Variants in JAKMIP1 observed in about 807,000 individuals in gnomAD.
JAKMIP1 encodes janus kinase and microtubule-interacting protein 1.
JAKMIP1 carries 33 observed loss-of-function variants against 113.0 expected under a neutral mutation model. The ratio of observed to expected loss-of-function variants is 0.29; its 90% confidence interval spans 0.22 to 0.39. The LOEUF is 0.39. Among genes scored for constraint, JAKMIP1 ranks in the 10% least tolerant of loss-of-function variants. JAKMIP1 has a pLI of 1.00. For synonymous variants in JAKMIP1, 480 were observed against 459.9 expected, an observed-to-expected ratio of 1.04 and a Z score of -0.56; for missense variants, 813 against 1,080.5, an observed-to-expected ratio of 0.75 and a Z score of 3.47.
intron 1 of JAKMIP1, among the ~76,000 whole-genome samples, chr4:6,125,173 C>A (rs940293913): frequency 1.3e-5 from 2 of 152,026 alleles, no homozygotes; most frequent in Admixed American, 6.5e-5. Flanking sequence ...TGTGTGCCAC[C>A]CCACATAGGC....
intron 1 of JAKMIP1, among the ~76,000 whole-genome samples, chr4:6,171,333 C>T (rs1724674649): frequency 6.6e-6 from 1 of 151,426 alleles, no homozygotes; most frequent in South Asian, 2.1e-4. Context: ...TCACCACCAC[C>T]AGCCCCAGCA....
intron 1 of JAKMIP1, among the ~76,000 whole-genome samples, chr4:6,163,080 G>A (rs73075474): frequency 0.043 from 6,492 of 152,300 alleles, 423 homozygotes; most frequent in African/African-American, 0.14. Flanking sequence ...GCCAGCCCAG[G>A]GTTCTGCAGA....
rs760491114 is a variant in JAKMIP1 at position 6,069,177 on chromosome 4, C to T, written c.1303-4169G>A. ...GCTTCTCAAGAGATGAGGGGAGAAC[C>T]GCCCAGAAAACATTGTTTCCTGTCA... On this transcript the variant is annotated intron_variant, in intron 8 of 20. Coordinates refer to ENST00000409021, the MANE Select transcript of JAKMIP1 (RefSeq NM_001099433.2). This position sits in a 1 kb window ranked among gnomAD's most constrained non-coding sequence, Gnocchi z 4.5. 4.6e-5 allele frequency among the ~76,000 whole-genome samples: 7 copies of T among 152,032 alleles called. No homozygotes were observed. Among genetic ancestry groups the T allele is most frequent in the Non-Finnish European group, 1.0e-4 (7 of 68,022 alleles).
intron 1 of JAKMIP1, among the ~76,000 whole-genome samples, chr4:6,134,102 A>G (rs1718900968): frequency 6.6e-6 from 1 of 152,202 alleles, no homozygotes; most frequent in African/African-American, 2.4e-5. Flanking sequence ...TCACAGGGGC[A>G]GTTCCCCCAT....
intron 2 of JAKMIP1, among the ~76,000 whole-genome samples, chr4:6,110,689 C>T (rs1450930336): frequency 6.8e-6 from 1 of 146,934 alleles, no homozygotes; most frequent in Non-Finnish European, 1.5e-5. Flanking sequence ...CCTCAAACAA[C>T]CCAGGAGGCA....
intron 18 of JAKMIP1, among the ~76,000 whole-genome samples, chr4:6,037,730 T>C (rs1260682050): frequency 7.8e-6 from 1 of 128,618 alleles, no homozygotes; most frequent in Non-Finnish European, 1.6e-5. Context: ...TAGCCCTCCA[T>C]CACCGAGGCA....
intron 12 of JAKMIP1, among the ~76,000 whole-genome samples, chr4:6,055,684 C>T (rs971128676): frequency 6.6e-6 from 1 of 152,324 alleles, no homozygotes; most frequent in East Asian, 1.9e-4. Flanking sequence ...TCAGTTGTCC[C>T]CAGAGGTCAG....
chr4:6,060,007 GAC>G (rs1176803600), intron 11 of JAKMIP1, among the ~76,000 whole-genome samples: 1 of 152,208 alleles, frequency 6.6e-6, no homozygotes, highest in East Asian at 1.9e-4. Flanking sequence ...ACTGTTCTAA[GAC>G]ACAGAGGCCA....
rs747728020 is a variant in JAKMIP1, at chr4:6,042,263, G to A, written c.2029-36C>T. 1 of 1,551,966 alleles carries A rather than the reference G, an allele frequency of 6.4e-7. No homozygotes were observed. The highest frequency in any genetic ancestry group is 1.4e-5 in the African/African-American group (1 of 73,740). On this transcript the variant is annotated intron_variant, in intron 16 of 20. Coordinates refer to ENST00000409021, the MANE Select transcript of JAKMIP1 (RefSeq NM_001099433.2). This position sits in a 1 kb window ranked among gnomAD's most constrained non-coding sequence, Gnocchi z 5.2. ...GCAGGGACAGGACGGGTGCAGCAAAGTGAGAGTCAGAACCCAAGGGGCTGT... is the reference window on the plus strand; with the variant it reads ...GCAGGGACAGGACGGGTGCAGCAAAATGAGAGTCAGAACCCAAGGGGCTGT...
rs1720010514 is a variant in JAKMIP1, at chr4:6,140,645, C to T, written c.-147-27648G>A. Among the ~76,000 whole-genome samples the T allele has an allele frequency of 6.6e-6, 1 of 152,108 alleles. No homozygotes were observed. The highest frequency in any genetic ancestry group is 2.4e-5 in the African/African-American group (1 of 41,370). On this transcript the variant is annotated intron_variant, in intron 1 of 20. Transcript: ENST00000409021. The surrounding 1 kb of genome is among the most constrained non-coding windows in gnomAD (Gnocchi z 9.4). ...GAGAAATACATGATTTTGTTTATCT[C>T]CTTTTGATCTGTCTTCTCCAAGACA...
chr4:6,168,862 C>T lies in JAKMIP1; in HGVS notation c.-148+31391G>A, dbSNP rs1723980780. On this transcript the variant is annotated intron_variant, in intron 1 of 20. Coordinates refer to ENST00000409021, the MANE Select transcript of JAKMIP1 (RefSeq NM_001099433.2). This position sits in a 1 kb window ranked among gnomAD's most constrained non-coding sequence, Gnocchi z 4.6. ...GTTGCAGTGAGCTGTAATCACACCA[C>T]TGCACTCCAGCCTAGGTGACAGAGT... Among the ~76,000 whole-genome samples the T allele has an allele frequency of 6.6e-6, 1 of 151,900 alleles. No homozygotes were observed. The highest frequency in any genetic ancestry group is 2.4e-5 in the African/African-American group (1 of 41,324).
At chr4:6,113,046 C>G in intron 1 of JAKMIP1, 49 bp from the exon 2 acceptor site, 1 of 848,912 alleles carries the variant, frequency 1.2e-6, no homozygotes, top group South Asian at 1.9e-5. Context: ...GGGTGGGGAG[C>G]TGGTGTCCCT....
intron 1 of JAKMIP1, among the ~76,000 whole-genome samples, chr4:6,175,346 C>T (rs991210905): frequency 6.6e-6 from 1 of 152,336 alleles, no homozygotes; most frequent in South Asian, 2.1e-4. Context: ...TCTCTACCAA[C>T]GGTCTCTACA....
At chr4:6,038,808 C>T (rs918764309) in intron 18 of JAKMIP1, among the ~76,000 whole-genome samples, 1 of 152,228 alleles carries the variant, frequency 6.6e-6, no homozygotes, top group African/African-American at 2.4e-5. Flanking sequence ...CCCTTCTCTA[C>T]TCAGCAGCCG....
intron 2 of JAKMIP1, among the ~76,000 whole-genome samples, chr4:6,110,831 T>A (rs1429267695): frequency 6.6e-6 from 1 of 150,668 alleles, no homozygotes; most frequent in Non-Finnish European, 1.5e-5. Context: ...TGAGCAGCTT[T>A]CCCTGTCACC....
rs1336539251 is a variant in JAKMIP1 at position 6,064,531 on chromosome 4, A to G, written c.1431+349T>C. ...GTGCACACATGCGTGGGGACCAGGG[A>G]GAGACCATTACGCAGCAGTTTTAAT... On this transcript the variant is annotated intron_variant, in intron 9 of 20. Coordinates refer to ENST00000409021, the MANE Select transcript of JAKMIP1 (RefSeq NM_001099433.2). This position sits in a 1 kb window ranked among gnomAD's most constrained non-coding sequence, Gnocchi z 4.3. Among the ~76,000 whole-genome samples the G allele has an allele frequency of 6.6e-6, 1 of 152,184 alleles. No homozygotes were observed. Among genetic ancestry groups the G allele is most frequent in the Non-Finnish European group, 1.5e-5 (1 of 68,036 alleles).
At chr4:6,084,452 A>G (rs1283480807) in intron 5 of JAKMIP1, among the ~76,000 whole-genome samples, 1 of 152,228 alleles carries the variant, frequency 6.6e-6, no homozygotes, top group Non-Finnish European at 1.5e-5. Flanking sequence ...TCCATCATCA[A>G]TCTTAATGAC....
intron 8 of JAKMIP1, among the ~76,000 whole-genome samples, chr4:6,072,395 G>A (rs1456574897): frequency 6.6e-6 from 1 of 152,224 alleles, no homozygotes; most frequent in Non-Finnish European, 1.5e-5. Context: ...TGGCGAGGCT[G>A]GGACAAAGTC....
chr4:6,118,866 T>TAGGAAAAAGC (rs1716259260), intron 1 of JAKMIP1, among the ~76,000 whole-genome samples: 1 of 152,144 alleles, frequency 6.6e-6, no homozygotes, highest in Non-Finnish European at 1.5e-5. Flanking sequence ...GTACCCTTAT[T>TAGGAAAAAGC]AGGAAAAAGC....
Sources: gnomAD v4.1 joint callset for allele counts (sites outside exome capture counted in the v4.1 genomes callset) on GRCh38, gnomAD v4.1.1 for gene constraint, Gnocchi (gnomAD v3.1) non-coding constraint, MANE v1.5 for transcripts, NCBI Gene and HGNC (gene_info 2026-07-23, HGNC 2026-07-21) for gene names.